Variants in PCNT observed in about 807,000 individuals in gnomAD.
PCNT encodes the protein kendrin.
A neutral mutation model predicts 380.4 loss-of-function variants in PCNT; 319 were observed. The observed-to-expected ratio is 0.84, with a 90% CI of 0.77 to 0.92. The LOEUF is 0.92. PCNT is among the 40% of genes least tolerant of loss of function. The pLI is 0.00. For synonymous variants in PCNT, 1,845 were observed against 1,735.2 expected, an observed-to-expected ratio of 1.06 and a Z score of -1.57; for missense variants, 4,400 against 4,255.3, an observed-to-expected ratio of 1.03 and a Z score of -0.95.
chr21:46,416,064 T>A lies in PCNT; in HGVS notation c.6151-5T>A. The A allele has an allele frequency of 6.2e-7, 1 of 1,613,942 alleles. No homozygotes were observed. The highest frequency in any genetic ancestry group is 8.5e-7 in the Non-Finnish European group (1 of 1,179,998). ...CACCGTGCACCTGTTCTGTTTCACCTGCAGGGTAAAGAAAAAGTACTGGAA... is the reference window on the plus strand; with the variant it reads ...CACCGTGCACCTGTTCTGTTTCACCAGCAGGGTAAAGAAAAAGTACTGGAA... On this transcript the variant is annotated splice_polypyrimidine_tract_variant and splice_region_variant and intron_variant, in intron 29 of 46. Coordinates refer to ENST00000359568, the MANE Select transcript of PCNT (RefSeq NM_006031.6).
At chr21:46,421,402 C>T (rs2087243711) in intron 31 of PCNT, among the ~76,000 whole-genome samples, 1 of 152,202 alleles carries the variant, frequency 6.6e-6, no homozygotes, top group Non-Finnish European at 1.5e-5. Flanking sequence ...AAGCGCCCCC[C>T]TCCCTGTGGG....
rs184570263 is a variant in PCNT at position 46,435,928 on chromosome 21, C to A, written c.8776C>A (p.Arg2926Ser). Residue 2926 changes from arginine (R) to serine (S), a missense_variant, in exon 39 of 47, where the codon CGT becomes AGT. By Grantham distance (110) the Arg-to-Ser change is moderately radical. Coordinates refer to ENST00000359568, the MANE Select transcript of PCNT (RefSeq NM_006031.6). The part of the protein sequence containing the change: ...KLRELELQRQ[R>S]DLHKIKQLQQ... ...GCGAGAATTAGAACTGCAGCGTCAG[C>A]GTGACTTGCATAAGATCAAGCAGCT... 2 of 1,614,040 alleles carry A rather than the reference C, an allele frequency of 1.2e-6. No individual in the cohort carries two copies. The highest frequency in any genetic ancestry group is 1.3e-5 in the African/African-American group (1 of 74,944).
rs914802452 is a variant in PCNT, at chr21:46,445,409, G to T, written c.*82G>T. Reference sequence around the variant, plus strand: ...TCCCTTTTCCCAAGGAAGCTCGTGGGACAGCATGGGCACTACTCTTCATGT... The same window carrying T: ...TCCCTTTTCCCAAGGAAGCTCGTGGTACAGCATGGGCACTACTCTTCATGT... On this transcript the variant is annotated 3_prime_UTR_variant, in exon 47 of 47. Coordinates refer to ENST00000359568, the MANE Select transcript of PCNT (RefSeq NM_006031.6). 1 of 1,064,200 alleles carries T rather than the reference G, an allele frequency of 9.4e-7. No individual in the cohort carries two copies. Among genetic ancestry groups the T allele is most frequent in the South Asian group, 1.2e-5 (1 of 80,142 alleles). 65.9% of individuals were successfully genotyped at this position (1,064,200 alleles called of 1,614,324 possible). A position where few individuals can be genotyped will look rare whatever the true frequency, so the allele number is the denominator to read the frequency against.
chr21:46,430,045 T>C lies in PCNT; in HGVS notation c.7726T>C (p.Cys2576Arg). ...LLAYKVEQEK[C>R]IAGDLQKTLS... ...GGCTTATAAAGTAGAGCAGGAGAAG[T>C]GCATTGCTGGTGACTTGCAGAAGAC... The change falls in exon 36 of 47, where the codon TGC becomes CGC. Residue 2576 changes from cysteine (C) to arginine (R), a missense_variant. Cys to Arg is a radical substitution (Grantham distance 180, BLOSUM62 -3). Coordinates refer to ENST00000359568, the MANE Select transcript of PCNT (RefSeq NM_006031.6). 1 of 1,614,200 alleles carries C rather than the reference T, an allele frequency of 6.2e-7. No homozygotes were observed. The highest frequency in any genetic ancestry group is 1.1e-5 in the South Asian group (1 of 91,086).
chr21:46,424,414 C>T (rs1300407571), intron 32 of PCNT, among the ~76,000 whole-genome samples: 2 of 152,154 alleles, frequency 1.3e-5, no homozygotes, highest in Non-Finnish European at 2.9e-5. Flanking sequence ...GTCTGTGGGA[C>T]CCCCCAGGCT....
intron 1 of PCNT, chr21:46,324,966 T>C: frequency 4.2e-6 from 4 of 947,932 alleles, no homozygotes; most frequent in Non-Finnish European, 4.9e-6. Flanking sequence ...TGGGCTCGCG[T>C]CCTGCCCGTC....
In PCNT at chr21:46,363,740, C is replaced by G. The variant is rs61407822; in HGVS notation, c.2415C>G (p.Ala805=). 0.036 allele frequency: 58,358 copies of G among 1,614,106 alleles called. 7,168 individuals carry two copies. In the African/African-American group the frequency reaches 0.42, roughly 12 times the overall value. ...GGCAGCTTCAGGACCAACAGGCAGC[C>G]CAGATCCTGGATCTGGAGAGGTCCT... ...EMRQLQDQQA[A]QILDLERSLT... is the part of the protein sequence containing the mutation. The change falls in exon 14 of 47, where the codon GCC becomes GCG. Residue 805 remains alanine, a synonymous_variant. Transcript: ENST00000359568.
rs146893764 is a variant in PCNT, at chr21:46,369,202, C to G, written c.3165+2063C>G. Among the ~76,000 whole-genome samples the G allele has an allele frequency of 1.3e-4, 20 of 152,348 alleles. 1 individual carries two copies. In the East Asian group the frequency reaches 3.7e-3, roughly 28 times the overall value. ...CCTCTGTGTCCTGTCCTTGTCTTCA[C>G]CACATGTCAGGGAGTCCTGGGGATG... On this transcript the variant is annotated intron_variant, in intron 15 of 46. Coordinates refer to ENST00000359568, the MANE Select transcript of PCNT (RefSeq NM_006031.6).
chr21:46,403,546 T>C, intron 27 of PCNT, among the ~76,000 whole-genome samples: 1 of 114,374 alleles, frequency 8.7e-6, no homozygotes, highest in South Asian at 3.5e-4. Flanking sequence ...GAACACAGCG[T>C]GGGAGAATTG....
At chr21:46,419,501 G>A (rs1015514099) in intron 31 of PCNT, among the ~76,000 whole-genome samples, 14 of 152,192 alleles carry the variant, frequency 9.2e-5, no homozygotes, top group South Asian at 2.1e-4. Flanking sequence ...CAGTCTGCAC[G>A]CCCTGTGCTG....
In PCNT at chr21:46,326,438, C is replaced by T. The variant is rs770630522; in HGVS notation, c.116C>T (p.Ala39Val). Reference sequence around the variant, plus strand: ...AGTTCGCATTCGGAGAAAAAGACGGCGAAGAGGAAGGGCTCGGCTGTCGAT... The same window carrying T: ...AGTTCGCATTCGGAGAAAAAGACGGTGAAGAGGAAGGGCTCGGCTGTCGAT... Reference protein sequence around the residue: ...GDSSHSEKKTAKRKGSAVDAS... With the variant: ...GDSSHSEKKTVKRKGSAVDAS... The change falls in exon 2 of 47, where the codon GCG becomes GTG. Residue 39 changes from alanine to valine, a missense_variant. Physicochemically the swap from Ala to Val is moderately conservative, Grantham distance 64 (BLOSUM62 0). Coordinates refer to ENST00000359568, the MANE Select transcript of PCNT (RefSeq NM_006031.6). The T allele has an allele frequency of 1.2e-6, 2 of 1,614,146 alleles. No individual in the cohort carries two copies. The highest frequency in any genetic ancestry group is 1.7e-6 in the Non-Finnish European group (2 of 1,180,040).
intron 21 of PCNT, among the ~76,000 whole-genome samples, chr21:46,394,890 G>A (rs1465415923): frequency 6.6e-6 from 1 of 152,240 alleles, no homozygotes. Context: ...CAGCGTGGGT[G>A]TCACCTGCTT....
At chr21:46,334,200 G>A (rs1275333305) in intron 2 of PCNT, among the ~76,000 whole-genome samples, 197 bp from the exon 3 acceptor site, 40 of 141,008 alleles carry the variant, frequency 2.8e-4, no homozygotes, top group South Asian at 6.5e-4. Context: ...GCAAGACTCC[G>A]TCTCAAAAAA....
At chr21:46,379,058 G>A (rs1430182747) in intron 15 of PCNT, among the ~76,000 whole-genome samples, 1 of 152,138 alleles carries the variant, frequency 6.6e-6, no homozygotes, top group Non-Finnish European at 1.5e-5. Context: ...GACTTCCTCT[G>A]GGATTTCTTG....
At chr21:46,339,290 G>A (rs1393227957) in intron 3 of PCNT, among the ~76,000 whole-genome samples, 3 of 152,192 alleles carry the variant, frequency 2.0e-5, no homozygotes, top group Non-Finnish European at 2.9e-5. Context: ...CTTGCCGGTG[G>A]TTTCGCTCTG....
At chr21:46,412,301 T>C (rs2086815568) in intron 28 of PCNT, among the ~76,000 whole-genome samples, 1 of 152,174 alleles carries the variant, frequency 6.6e-6, no homozygotes, top group Non-Finnish European at 1.5e-5. Context: ...AGCTTATCGT[T>C]TTAAGCTTTT....
At position 46,363,751 on chromosome 21, in the gene PCNT, ATCT is replaced by A; in HGVS notation, c.2427_2429del (p.Asp809_Leu810delinsGlu). On this transcript the variant is annotated inframe_deletion, in exon 14 of 47. Coordinates refer to ENST00000359568, the MANE Select transcript of PCNT (RefSeq NM_006031.6). ...GACCAACAGGCAGCCCAGATCCTGG[ATCT>A]GGAGAGGTCCTTGACGGAGCAGCAG... 2 of 1,614,228 alleles carry A rather than the reference ATCT, an allele frequency of 1.2e-6. No individual in the cohort carries two copies. The highest frequency in any genetic ancestry group is 1.7e-6 in the Non-Finnish European group (2 of 1,180,034).
intron 3 of PCNT, among the ~76,000 whole-genome samples, chr21:46,341,351 T>G (rs1286866101): frequency 6.6e-6 from 1 of 152,060 alleles, no homozygotes; most frequent in Non-Finnish European, 1.5e-5. Context: ...TGGTCTTTTT[T>G]AGTGAGGTGT....
rs143567219 is a variant in PCNT, at chr21:46,386,592, G to T, written c.3464+609G>T. Among the ~76,000 whole-genome samples the T allele has an allele frequency of 1.2e-3, 176 of 152,352 alleles. 1 individual carries two copies. Among genetic ancestry groups the T allele is most frequent in the Admixed American group, 2.4e-3 (37 of 15,312 alleles). ...GGCCGTGGGGCCGCCTTCCCTGAAC[G>T]CATGGGTCCAGGCCACATCCTGCCT... On this transcript the variant is annotated intron_variant, in intron 17 of 46. Transcript: ENST00000359568.
Sources: allele counts gnomAD v4.1 joint callset (sites outside exome capture counted in the v4.1 genomes callset), GRCh38; gene constraint gnomAD v4.1.1; transcripts MANE v1.5; gene names NCBI Gene and HGNC (gene_info 2026-07-23, HGNC 2026-07-21).